The following CACNA1I variants were observed in gnomAD, a reference collection of about 807,000 sequenced individuals.
CACNA1I encodes voltage-dependent T-type calcium channel subunit alpha-1I.
In CACNA1I, 74 loss-of-function variants were observed where a neutral mutation model predicts 201.6. The ratio of observed to expected loss-of-function variants is 0.37; its 90% CI spans 0.30 to 0.45. CACNA1I has a LOEUF of 0.45. CACNA1I is among the 20% of genes least tolerant of loss of function. The pLI, the probability that CACNA1I is intolerant of heterozygous loss-of-function variation, is 1.00. For missense variants in CACNA1I, 2,346 were observed against 3,138.1 expected (o/e 0.75, Z 6.03); for synonymous variants, 1,431 against 1,345.2 (o/e 1.06, Z -1.40).
intron 1 of CACNA1I, 23 bp from the exon 2 acceptor site, chr22:39,598,128 T>C: frequency 6.7e-7 from 1 of 1,500,398 alleles, no homozygotes; most frequent in Non-Finnish European, 9.2e-7. Context: ...CACCTGCTGC[T>C]TTGTCCTTGA....
In CACNA1I at chr22:39,649,752, AAGG is replaced by A. The variant is rs755371506; in HGVS notation, c.1837_1839del (p.Glu613del). The A allele has an allele frequency of 2.9e-4, 449 of 1,566,798 alleles. 1 individual carries two copies. Among genetic ancestry groups the A allele is most frequent in the Middle Eastern group, 1.0e-3 (6 of 5,936 alleles). On this transcript the variant is annotated inframe_deletion, in exon 10 of 37. Transcript: ENST00000402142. This position sits in a 1 kb window ranked among gnomAD's most constrained non-coding sequence, Gnocchi z 7.3. ...GGACGGAGCCTCCTCAGAACTGGGGAAGGAGGAGGAGGAGGAGGAGCAGGCGGA... is the reference window on the plus strand; with the variant it reads ...GGACGGAGCCTCCTCAGAACTGGGGAAGGAGGAGGAGGAGGAGCAGGCGGA...
At position 39,662,729 on chromosome 22, in the gene CACNA1I, A is replaced by C. The variant is rs1482438796; in HGVS notation, c.3373-47A>C. 4 of 1,355,828 alleles carry C rather than the reference A, an allele frequency of 3.0e-6. No individual in the cohort carries two copies. The Admixed American group carries it at 5.9e-5, about 20-fold the overall frequency. 84.0% of individuals were successfully genotyped at this position (1,355,828 alleles called of 1,614,324 possible). A position where few individuals can be genotyped will look rare whatever the true frequency, so the allele number is the denominator to read the frequency against. ...GATGGCCGCATGGGCGGAGACCGGC[A>C]ACCCTGCGCATCGCTGACCCCCGGC... is the stretch of plus-strand genomic sequence containing the variant. On this transcript the variant is annotated intron_variant, in intron 17 of 36. Coordinates refer to ENST00000402142, the MANE Select transcript of CACNA1I (RefSeq NM_021096.4).
intron 15 of CACNA1I, 124 bp from the exon 16 acceptor site, chr22:39,660,984 A>T: frequency 1.3e-6 from 1 of 779,550 alleles, no homozygotes; most frequent in Non-Finnish European, 2.2e-6. Flanking sequence ...CTGGTAGAGG[A>T]AGCCTCCTTA....
At position 39,662,066 on chromosome 22, in the gene CACNA1I, G is replaced by T. The variant is rs1273870979; in HGVS notation, c.3003G>T (p.Ala1001=). Reference sequence around the variant, plus strand: ...GCCTCAAGCACAAGCCGCCGTCGGCGGAGCATGAGTCCCTGCTCTCTGCGG... The same window carrying T: ...GCCTCAAGCACAAGCCGCCGTCGGCTGAGCATGAGTCCCTGCTCTCTGCGG... ...WNSLKHKPPS[A]EHESLLSAER... is the part of the protein sequence containing the mutation. Residue 1001 remains alanine, a synonymous_variant, in exon 17 of 37, where the codon GCG becomes GCT. Coordinates refer to ENST00000402142, the MANE Select transcript of CACNA1I (RefSeq NM_021096.4). 6.4e-7 allele frequency: 1 copy of T among 1,551,390 alleles called. No homozygotes were observed. The highest frequency in any genetic ancestry group is 1.9e-5 in the Admixed American group (1 of 51,860).
At chr22:39,681,625 G>A (rs946460287) in intron 34 of CACNA1I, among the ~76,000 whole-genome samples, 16 of 152,134 alleles carry the variant, frequency 1.1e-4, no homozygotes, top group African/African-American at 3.4e-4. Flanking sequence ...GAGGAGGCCT[G>A]CAGGCCAGGA....
At chr22:39,578,587 C>T (rs1163122627) in intron 1 of CACNA1I, among the ~76,000 whole-genome samples, 1 of 151,988 alleles carries the variant, frequency 6.6e-6, no homozygotes, top group Non-Finnish European at 1.5e-5. Flanking sequence ...CCCTGGGCTC[C>T]CCCTCTCCTC....
Position 39,663,703 on chromosome 22 carries a change from G to A in CACNA1I, c.3474-15G>A, listed in dbSNP as rs779408367. ...GGCAGCTGACGCTCAGGCAGCCCCC[G>A]CCCACCCTGCCCAGGTTCCGGGTCC... On this transcript the variant is annotated splice_polypyrimidine_tract_variant and intron_variant, in intron 18 of 36. Transcript: ENST00000402142. 3.5e-6 allele frequency: 3 copies of A among 851,754 alleles called. No homozygotes were observed. Among genetic ancestry groups the A allele is most frequent in the Non-Finnish European group, 1.8e-6 (1 of 561,614 alleles). 52.8% of individuals were successfully genotyped at this position (851,754 alleles called of 1,614,324 possible).
intron 7 of CACNA1I, 151 bp from the exon 8 acceptor site, chr22:39,646,418 T>G: frequency 2.4e-6 from 3 of 1,271,780 alleles, no homozygotes; most frequent in Non-Finnish European, 2.1e-6. Context: ...TCTGCCTCTG[T>G]ACCGCCATCT....
At position 39,689,483 on chromosome 22, in the gene CACNA1I, C is replaced by G. The variant is rs1290927752; in HGVS notation, c.*3078C>G. 1 of 152,782 alleles carries G rather than the reference C, an allele frequency of 6.5e-6. No individual in the cohort carries two copies. Among genetic ancestry groups the G allele is most frequent in the African/African-American group, 2.4e-5 (1 of 41,484 alleles). 9.5% of individuals were successfully genotyped at this position (152,782 alleles called of 1,614,324 possible). ...TTGTCTTTGTGCAATAATCAGTGTT[C>G]CTGGCAGAGCCTGGGCCAAGCTGCA... On this transcript the variant is annotated 3_prime_UTR_variant, in exon 37 of 37. Coordinates refer to ENST00000402142, the MANE Select transcript of CACNA1I (RefSeq NM_021096.4).
chr22:39,642,156 C>A, intron 6 of CACNA1I, among the ~76,000 whole-genome samples: 1 of 152,130 alleles, frequency 6.6e-6, no homozygotes, highest in East Asian at 1.9e-4. Flanking sequence ...GCATCAGGGT[C>A]ATTTGTTCAG....
At chr22:39,663,938 C>A in intron 19 of CACNA1I, 97 bp downstream of exon 19, 1 of 1,558,220 alleles carries the variant, frequency 6.4e-7, no homozygotes, top group South Asian at 1.1e-5. Flanking sequence ...GGTGGGGAGG[C>A]AGGACAGGAA....
intron 4 of CACNA1I, among the ~76,000 whole-genome samples, chr22:39,623,790 A>G (rs546914981): frequency 2.1e-3 from 268 of 130,074 alleles, no homozygotes; most frequent in Non-Finnish European, 3.5e-3. Flanking sequence ...GGGGGTGTGT[A>G]TGTCTGTGAA....
intron 3 of CACNA1I, among the ~76,000 whole-genome samples, chr22:39,615,872 C>T (rs1221693414): frequency 6.6e-6 from 1 of 152,200 alleles, no homozygotes; most frequent in Non-Finnish European, 1.5e-5. Context: ...GAAGGATCTA[C>T]AGTGTCAAGA....
In CACNA1I at chr22:39,662,818, C is replaced by T; in HGVS notation, c.3415C>T (p.Pro1139Ser). The change falls in exon 18 of 37, where the codon CCC (proline) becomes TCC (serine). Residue 1139 changes from proline (P) to serine (S), a missense_variant. Pro to Ser is a moderately conservative substitution (Grantham distance 74). Coordinates refer to ENST00000402142, the MANE Select transcript of CACNA1I (RefSeq NM_021096.4). Reference protein sequence around the residue: ...RVRKMIDVYKPDWCEVREDWS... With the variant: ...RVRKMIDVYKSDWCEVREDWS... The stretch of plus-strand genomic sequence containing the variant: ...CCGCAAGATGATCGACGTCTATAAG[C>T]CCGACTGGTGCGAGGTCCGCGAAGA... 6.2e-7 allele frequency: 1 copy of T among 1,602,140 alleles called. No individual in the cohort carries two copies. The highest frequency in any genetic ancestry group is 8.5e-7 in the Non-Finnish European group (1 of 1,175,036).
In CACNA1I at chr22:39,686,947, T is replaced by G. The variant is rs778451208; in HGVS notation, c.*542T>G. 1.1e-3 allele frequency: 163 copies of G among 151,878 alleles called. 1 individual carries two copies. Among genetic ancestry groups the G allele is most frequent in the African/African-American group, 4.1e-4 (17 of 41,428 alleles). 9.4% of individuals were successfully genotyped at this position (151,878 alleles called of 1,614,324 possible). A position where few individuals can be genotyped will look rare whatever the true frequency, so the allele number is the denominator to read the frequency against. On this transcript the variant is annotated 3_prime_UTR_variant, in exon 37 of 37. Coordinates refer to ENST00000402142, the MANE Select transcript of CACNA1I (RefSeq NM_021096.4). ...GGTGCAATTCAGGGTGTGTGTGTGT[T>G]TTTTTTCCTTTAAAGAAGAAACGCT...
intron 3 of CACNA1I, among the ~76,000 whole-genome samples, chr22:39,613,841 CTTT>C (rs58159998): frequency 6.8e-6 from 1 of 146,658 alleles, no homozygotes; most frequent in Non-Finnish European, 1.5e-5. Context: ...TGGATCCCTT[CTTT>C]TTTTTTTTTT....
chr22:39,618,516 G>T (rs1046711249), intron 3 of CACNA1I, among the ~76,000 whole-genome samples: 2 of 152,072 alleles, frequency 1.3e-5, no homozygotes, highest in Non-Finnish European at 2.9e-5. Context: ...GGATGGTGGT[G>T]GCATTTCAGG....
chr22:39,668,861 G>C (rs1935280476), intron 24 of CACNA1I, among the ~76,000 whole-genome samples: 1 of 152,204 alleles, frequency 6.6e-6, no homozygotes, highest in Non-Finnish European at 1.5e-5. Flanking sequence ...AGGGGCAAAA[G>C]TTTATTCTGA....
intron 1 of CACNA1I, among the ~76,000 whole-genome samples, chr22:39,578,108 G>T (rs953376924): frequency 1.3e-5 from 2 of 152,124 alleles, no homozygotes; most frequent in African/African-American, 2.4e-5. Flanking sequence ...GGAAATTGTT[G>T]GCTCCTGGAG....
Sources: gnomAD v4.1 joint callset for allele counts (sites outside exome capture counted in the v4.1 genomes callset) on GRCh38, gnomAD v4.1.1 for gene constraint, Gnocchi (gnomAD v3.1) non-coding constraint, MANE v1.5 for transcripts, NCBI Gene and HGNC (gene_info 2026-07-23, HGNC 2026-07-21) for gene names.